The following RFWD3 variants were observed in gnomAD, a reference collection of about 807,000 sequenced individuals.
RFWD3 encodes E3 ubiquitin-protein ligase RFWD3.
RFWD3 carries 65 observed loss-of-function variants against 87.7 expected under a neutral mutation model. The observed-to-expected ratio is 0.74, with a 90% confidence interval of 0.61 to 0.91. RFWD3 has a LOEUF of 0.91. Ranked by LOEUF, RFWD3 falls within the 40% of genes least tolerant of loss-of-function variation. The pLI is 0.00. For synonymous variants in RFWD3, 433 were observed against 352.8 expected, an observed-to-expected ratio of 1.23 and a Z score of -2.55; for missense variants, 1,078 against 938.5, an observed-to-expected ratio of 1.15 and a Z score of -1.94.
chr16:74,634,036 G>A (rs927053147), intron 8 of RFWD3, among the ~76,000 whole-genome samples: 10 of 151,920 alleles, frequency 6.6e-5, no homozygotes, highest in African/African-American at 2.4e-4. Flanking sequence ...TTTCAGGGGT[G>A]TATTACATAT....
intron 12 of RFWD3, among the ~76,000 whole-genome samples, chr16:74,624,687 G>A (rs892226082): frequency 2.6e-5 from 4 of 151,938 alleles, no homozygotes; most frequent in East Asian, 1.9e-4. Context: ...GTGAGCCACC[G>A]CGTCTGGCCT....
At position 74,661,012 on chromosome 16, in the gene RFWD3, T is replaced by TACA. The variant is rs1961389337; in HGVS notation, c.435_437dup (p.Val146dup). On this transcript the variant is annotated inframe_insertion, in exon 2 of 13. Transcript: ENST00000361070. ...CCCTCCTTCTTGTTCTCATTGGCCC[T>TACA]ACACTGTGGTTTGAAGATGAAGGTC... 2 of 1,614,088 alleles carry TACA rather than the reference T, an allele frequency of 1.2e-6. No homozygotes were observed.
At chr16:74,665,975 G>A (rs1961856073) in intron 1 of RFWD3, among the ~76,000 whole-genome samples, 1 of 152,060 alleles carries the variant, frequency 6.6e-6, no homozygotes, top group African/African-American at 2.4e-5. Context: ...TGGGATTACA[G>A]GCCTGAGCCA....
chr16:74,639,224 G>C (rs896057213), intron 6 of RFWD3, among the ~76,000 whole-genome samples: 1 of 151,998 alleles, frequency 6.6e-6, no homozygotes, highest in African/African-American at 2.4e-5. Context: ...TTTTAGTAGA[G>C]ACAGGGTTTC....
chr16:74,640,095 C>T (rs1959500637), intron 6 of RFWD3, among the ~76,000 whole-genome samples: 1 of 151,762 alleles, frequency 6.6e-6, no homozygotes, highest in Non-Finnish European at 1.5e-5. Flanking sequence ...GAAATGTATT[C>T]CTTGTGGCTA....
At chr16:74,658,751 T>C (rs1383656471) in intron 2 of RFWD3, among the ~76,000 whole-genome samples, 1 of 151,638 alleles carries the variant, frequency 6.6e-6, no homozygotes, top group Admixed American at 6.6e-5. Context: ...ACTCATTCCC[T>C]GAGCAGATTC....
intron 12 of RFWD3, among the ~76,000 whole-genome samples, chr16:74,624,898 AG>A (rs1372674353): frequency 1.3e-5 from 2 of 152,198 alleles, no homozygotes; most frequent in Non-Finnish European, 2.9e-5. Flanking sequence ...AGGCTGAAGG[AG>A]GATTGCTTAA....
intron 9 of RFWD3, among the ~76,000 whole-genome samples, chr16:74,631,618 G>A (rs952965083): frequency 2.0e-5 from 3 of 152,138 alleles, no homozygotes; most frequent in Non-Finnish European, 4.4e-5. Flanking sequence ...CAGATAAAAC[G>A]CTGTGACTAA....
chr16:74,628,740 A>C, intron 10 of RFWD3, 74 bp from the exon 11 acceptor site: 230 of 1,314,564 alleles, frequency 1.7e-4, no homozygotes, highest in Non-Finnish European at 2.3e-4. Context: ...ACCAGACCTC[A>C]AGCACATTCC....
intron 4 of RFWD3, among the ~76,000 whole-genome samples, chr16:74,645,716 C>T (rs1960067308): frequency 1.3e-5 from 2 of 150,068 alleles, no homozygotes; most frequent in South Asian, 2.1e-4. Flanking sequence ...AACTATTATG[C>T]AGCCCATGAT....
chr16:74,639,435 T>C (rs1291810822), intron 6 of RFWD3, among the ~76,000 whole-genome samples: 3 of 152,208 alleles, frequency 2.0e-5, no homozygotes, highest in Non-Finnish European at 4.4e-5. Flanking sequence ...CAATCTGTCA[T>C]TGACCCAAAG....
At chr16:74,634,331 C>G (rs1282108822) in intron 8 of RFWD3, among the ~76,000 whole-genome samples, 1 of 152,034 alleles carries the variant, frequency 6.6e-6, no homozygotes, top group African/African-American at 2.4e-5. Flanking sequence ...TCTTGTTACT[C>G]TGTTCTCTTA....
intron 3 of RFWD3, 133 bp from the exon 4 acceptor site, chr16:74,649,335 G>T: frequency 1.7e-6 from 1 of 574,800 alleles, no homozygotes; most frequent in Non-Finnish European, 3.1e-6. Flanking sequence ...CCTGCAAAAA[G>T]GATGACAACT....
At chr16:74,645,307 T>G (rs1960033513) in intron 4 of RFWD3, among the ~76,000 whole-genome samples, 1 of 152,220 alleles carries the variant, frequency 6.6e-6, no homozygotes, top group African/African-American at 2.4e-5. Context: ...AAAACACATA[T>G]ATCTTTCCTT....
At chr16:74,648,895 G>C (rs1960369417) in intron 4 of RFWD3, among the ~76,000 whole-genome samples, 1 of 152,014 alleles carries the variant, frequency 6.6e-6, no homozygotes, top group Non-Finnish European at 1.5e-5. Flanking sequence ...AAACCAACTG[G>C]GTAATATAGT....
At chr16:74,625,297 G>A (rs1040423850) in intron 12 of RFWD3, among the ~76,000 whole-genome samples, 5 of 151,822 alleles carry the variant, frequency 3.3e-5, no homozygotes, top group Non-Finnish European at 7.4e-5. Context: ...GAGGTGAGAA[G>A]ACTGCTTGAG....
At chr16:74,666,644 C>T (rs1158265965) in intron 1 of RFWD3, 142 bp downstream of exon 1, 5 of 152,316 alleles carry the variant, frequency 3.3e-5, no homozygotes, top group African/African-American at 4.8e-5. Flanking sequence ...GGCCCGAATC[C>T]CCTCAGGCCG....
In RFWD3 at chr16:74,637,957, C is replaced by A; in HGVS notation, c.1093G>T (p.Glu365Ter). 1 of 1,610,412 alleles carries A rather than the reference C, an allele frequency of 6.2e-7. No individual in the cohort carries two copies. Among genetic ancestry groups the A allele is most frequent in the Non-Finnish European group, 8.5e-7 (1 of 1,178,952 alleles). Residue 365 changes from glutamate (E) to a stop codon, truncating the protein, a stop_gained, in exon 7 of 13, where the codon GAA becomes TAA. Coordinates refer to ENST00000361070, the MANE Select transcript of RFWD3 (RefSeq NM_018124.4). LOFTEE classifies it high-confidence loss of function. ...TCGGCCTGTTTCCTTAGCATCTGTTCCTTCAGTAGGGAACTAGAGGGGGAA... is the reference window on the plus strand; with the variant it reads ...TCGGCCTGTTTCCTTAGCATCTGTTACTTCAGTAGGGAACTAGAGGGGGAA... ...QERMKSSLLK[E>*]QMLRKQAELE...
chr16:74,635,009 G>A (rs1312193799), intron 8 of RFWD3, among the ~76,000 whole-genome samples: 11 of 152,004 alleles, frequency 7.2e-5, no homozygotes, highest in East Asian at 1.9e-4. Flanking sequence ...AGCCGGGCGC[G>A]GTGGCTCACG....
Sources: gnomAD v4.1 joint callset for allele counts (sites outside exome capture counted in the v4.1 genomes callset) on GRCh38, gnomAD v4.1.1 for gene constraint, MANE v1.5 for transcripts, NCBI Gene and HGNC (gene_info 2026-07-23, HGNC 2026-07-21) for gene names.